SLC25A32: variants seen among roughly 807,000 people sequenced by gnomAD.
SLC25A32 encodes solute carrier family 25 member 32.
In SLC25A32, 32 loss-of-function variants were observed where a neutral mutation model predicts 39.0. That is an observed-to-expected ratio of 0.82 (90% CI 0.62 to 1.10). SLC25A32 has a LOEUF of 1.10. Ranked by LOEUF, SLC25A32 falls within the 50% of genes least tolerant of loss-of-function variation. SLC25A32 has a pLI of 0.00. For synonymous variants in SLC25A32, 166 were observed against 152.4 expected (o/e 1.09, Z -0.66); for missense variants, 367 against 395.3 (o/e 0.93, Z 0.61).
At chr8:103,413,321 C>G (rs1168826816) in intron 1 of SLC25A32, among the ~76,000 whole-genome samples, 2 of 152,208 alleles carry the variant, frequency 1.3e-5, no homozygotes, top group African/African-American at 4.8e-5. Flanking sequence ...CACCTGCAGG[C>G]AAGTCTAAAA....
chr8:103,413,806 C>G (rs1300265341), intron 1 of SLC25A32, among the ~76,000 whole-genome samples: 1 of 152,198 alleles, frequency 6.6e-6, no homozygotes, highest in East Asian at 1.9e-4. Context: ...AAGCCCCAAT[C>G]TTCCACTGAA....
At chr8:103,406,160 G>A (rs1816328924) in intron 2 of SLC25A32, among the ~76,000 whole-genome samples, 1 of 151,250 alleles carries the variant, frequency 6.6e-6, no homozygotes, top group Non-Finnish European at 1.5e-5. Context: ...GTCAAGGGGG[G>A]TGTGTGTGTA....
intron 3 of SLC25A32, among the ~76,000 whole-genome samples, chr8:103,404,325 G>A (rs1171085171): frequency 4.6e-5 from 7 of 152,144 alleles, no homozygotes; most frequent in Non-Finnish European, 7.4e-5. Context: ...GCCAGGCGTG[G>A]TGGCTCATGC....
At chr8:103,410,901 T>C (rs1816450707) in intron 1 of SLC25A32, among the ~76,000 whole-genome samples, 2 of 152,210 alleles carry the variant, frequency 1.3e-5, no homozygotes, top group Non-Finnish European at 2.9e-5. Context: ...CTGTTTCATT[T>C]GCTGGATGTT....
intron 6 of SLC25A32, 144 bp from the exon 7 acceptor site, chr8:103,400,690 T>C (rs949734629): frequency 6.0e-6 from 5 of 836,264 alleles, no homozygotes; most frequent in Non-Finnish European, 9.4e-6. Context: ...CCTAAAGTAA[T>C]GTAGTTTATA....
Position 103,400,379 on chromosome 8 carries a change from G to A in SLC25A32, c.*32C>T. 2 of 1,612,498 alleles carry A rather than the reference G, an allele frequency of 1.2e-6. No homozygotes were observed. The highest frequency in any genetic ancestry group is 1.7e-5 in the Admixed American group (1 of 59,766). ...ACACAAAAGAGCTTGTTGCTGCCTTGGGCAGATATACTGGAATTGTCCTCT... is the reference window on the plus strand; with the variant it reads ...ACACAAAAGAGCTTGTTGCTGCCTTAGGCAGATATACTGGAATTGTCCTCT... On this transcript the variant is annotated 3_prime_UTR_variant, in exon 7 of 7. Coordinates refer to ENST00000297578, the MANE Select transcript of SLC25A32 (RefSeq NM_030780.5).
intron 2 of SLC25A32, 93 bp downstream of exon 2, chr8:103,407,540 AC>A: frequency 9.7e-7 from 1 of 1,036,046 alleles, no homozygotes; most frequent in Non-Finnish European, 1.4e-6. Flanking sequence ...TGATTAAATG[AC>A]TCAACTTATC....
At chr8:103,414,032 A>AT (rs1458257301) in intron 1 of SLC25A32, among the ~76,000 whole-genome samples, 2 of 152,274 alleles carry the variant, frequency 1.3e-5, no homozygotes, top group African/African-American at 4.8e-5. Context: ...TATTAAGAGA[A>AT]TATAAATCAA....
intron 3 of SLC25A32, among the ~76,000 whole-genome samples, chr8:103,403,595 A>G (rs1239327873): frequency 6.6e-6 from 1 of 152,150 alleles, no homozygotes; most frequent in Non-Finnish European, 1.5e-5. Context: ...TTCTCTTTGA[A>G]GTGTAAGGAT....
At chr8:103,406,866 C>T (rs573994626) in intron 2 of SLC25A32, among the ~76,000 whole-genome samples, 1 of 152,252 alleles carries the variant, frequency 6.6e-6, no homozygotes, top group South Asian at 2.1e-4. Flanking sequence ...AATGATACTT[C>T]AGTATTTATA....
chr8:103,410,566 C>T (rs142858703), intron 1 of SLC25A32, among the ~76,000 whole-genome samples: 391 of 152,254 alleles, frequency 2.6e-3, no homozygotes, highest in African/African-American at 9.0e-3. Flanking sequence ...CATACCTCCT[C>T]CACCCCCGTT....
chr8:103,404,563 C>A lies in SLC25A32; in HGVS notation c.391+213G>T, dbSNP rs183023022. 9.3e-3 allele frequency among the ~76,000 whole-genome samples: 1,419 copies of A among 152,000 alleles called. 15 individuals are homozygous for A. The highest frequency in any genetic ancestry group is 0.015 in the Admixed American group (235 of 15,264). The stretch of plus-strand genomic sequence containing the variant: ...TGAGCCGAGATAGCGCCACCGCACT[C>A]CAGCCTGGGCGACAAGAGCGAAACT... On this transcript the variant is annotated intron_variant, in intron 3 of 6. Coordinates refer to ENST00000297578, the MANE Select transcript of SLC25A32 (RefSeq NM_030780.5).
chr8:103,401,548 A>T lies in SLC25A32; in HGVS notation c.780T>A (p.Ser260Arg), dbSNP rs1286769772. ...TCTTTGTGATTACATCTATTACACC[A>T]CTGTAAAACATGTGTTGATCCTGAA... ...ARLQDQHMFY[S>R]GVIDVITKTW... is the part of the protein sequence containing the mutation. Residue 260 changes from serine (S) to arginine (R), a missense_variant, in exon 6 of 7, where the codon AGT becomes AGA. Transcript: ENST00000297578. 6.2e-7 allele frequency: 1 copy of T among 1,613,574 alleles called. No individual in the cohort carries two copies. The highest frequency in any genetic ancestry group is 8.5e-7 in the Non-Finnish European group (1 of 1,179,814).
At position 103,414,817 on chromosome 8, in the gene SLC25A32, G is replaced by T; in HGVS notation, c.121C>A (p.His41Asn). 6.2e-7 allele frequency: 1 copy of T among 1,613,820 alleles called. No homozygotes were observed. The highest frequency in any genetic ancestry group is 8.5e-7 in the Non-Finnish European group (1 of 1,180,038). Residue 41 changes from histidine (H) to asparagine (N), a missense_variant, in exon 1 of 7, where the codon CAT (histidine) becomes AAT (asparagine). By Grantham distance (68) the His-to-Asn change is moderately conservative. Transcript: ENST00000297578. Reference protein sequence around the residue: ...SGGVLSNLALHPLDLVKIRFA... With the variant: ...SGGVLSNLALNPLDLVKIRFA... Reference sequence around the variant, plus strand: ...CGGATCTTCACGAGGTCGAGCGGATGCAGCGCAAGGTTGGATAAGACGCCG... The same window carrying T: ...CGGATCTTCACGAGGTCGAGCGGATTCAGCGCAAGGTTGGATAAGACGCCG...
chr8:103,403,170 T>G lies in SLC25A32; in HGVS notation c.546A>C (p.Leu182Phe). 6.3e-7 allele frequency: 1 copy of G among 1,592,264 alleles called. No homozygotes were observed. The highest frequency in any genetic ancestry group is 8.6e-7 in the Non-Finnish European group (1 of 1,167,484). Residue 182 changes from leucine (L) to phenylalanine (F), a missense_variant, in exon 4 of 7, where the codon TTA becomes TTC. Physicochemically the swap from Leu to Phe is conservative, Grantham distance 22. Coordinates refer to ENST00000297578, the MANE Select transcript of SLC25A32 (RefSeq NM_030780.5). ...TATATTGATAATTTGTTACCTTATA[T>G]AATCCACGCACACCTTCATACTTAT... ...KIYKYEGVRG[L>F]YKGFVPGLFG...
chr8:103,401,857 C>T (rs1816225634), intron 5 of SLC25A32, 84 bp downstream of exon 5: 1 of 1,133,438 alleles, frequency 8.8e-7, no homozygotes, highest in Non-Finnish European at 1.3e-6. Context: ...CATAGCACTA[C>T]CACCAAAGTA....
intron 2 of SLC25A32, 141 bp downstream of exon 2, chr8:103,407,493 C>T: frequency 1.7e-6 from 1 of 592,450 alleles, no homozygotes; most frequent in South Asian, 3.8e-5. Context: ...ACTAATCAGC[C>T]ATTTTGTTCT....
chr8:103,404,465 C>T (rs1865853), intron 3 of SLC25A32, among the ~76,000 whole-genome samples: 34,502 of 151,742 alleles, frequency 0.23, 4,038 homozygotes, highest in East Asian at 0.34. Context: ...CGTGGTGGCA[C>T]GTGTCTGTAG....
Position 103,400,310 on chromosome 8 carries a change from A to T in SLC25A32, c.*101T>A. 1 of 1,381,880 alleles carries T rather than the reference A, an allele frequency of 7.2e-7. No individual in the cohort carries two copies. Among genetic ancestry groups the T allele is most frequent in the Non-Finnish European group, 1.0e-6 (1 of 992,344 alleles). The allele number at this position is 1,381,880 out of a possible 1,614,324, so 85.6% of individuals were successfully genotyped here. ...TCTAATGACTATAGAGCAATTTCGA[A>T]TATGAGCCATGTTTCTATGCAGAAT... On this transcript the variant is annotated 3_prime_UTR_variant, in exon 7 of 7. Coordinates refer to ENST00000297578, the MANE Select transcript of SLC25A32 (RefSeq NM_030780.5).
Sources: allele counts gnomAD v4.1 joint callset (sites outside exome capture counted in the v4.1 genomes callset), GRCh38; gene constraint gnomAD v4.1.1; transcripts MANE v1.5; gene names NCBI Gene and HGNC (gene_info 2026-07-23, HGNC 2026-07-21).